The following CRACD variants were observed in gnomAD, a reference collection of about 807,000 sequenced individuals.
CRACD encodes capping protein-inhibiting regulator of actin dynamics.
A neutral mutation model predicts 106.8 loss-of-function variants in CRACD; 56 were observed. The ratio of observed to expected loss-of-function variants is 0.52; its 90% CI spans 0.42 to 0.66. CRACD has a LOEUF of 0.66. CRACD is among the 30% of genes least tolerant of loss of function. CRACD has a pLI of 0.00. For missense variants in CRACD, 1,730 were observed against 1,623.2 expected (o/e 1.07, Z -1.13); for synonymous variants, 754 against 670.8 (o/e 1.12, Z -1.92).
At position 56,297,295 on chromosome 4, in the gene CRACD, C is replaced by G. The variant is rs1385852499; in HGVS notation, c.-16-919C>G. On this transcript the variant is annotated intron_variant, in intron 3 of 10. Transcript: ENST00000682029. ...CATTGTCTGGTAGAAGTCCAGACTT[C>G]CTCCAAGTCCAGACTTTCAACTAAA... 2.6e-5 allele frequency among the ~76,000 whole-genome samples: 4 copies of G among 152,146 alleles called. No homozygotes were observed. The South Asian group carries it at 8.3e-4, about 31-fold the overall frequency.
At chr4:56,152,755 G>T (rs963451603) in intron 1 of CRACD, among the ~76,000 whole-genome samples, 2 of 151,930 alleles carry the variant, frequency 1.3e-5, no homozygotes, top group Admixed American at 6.6e-5. Context: ...CTTCAAGCTG[G>T]CTCTGTCTTT....
intron 2 of CRACD, among the ~76,000 whole-genome samples, chr4:56,220,335 A>T (rs1738960103): frequency 6.6e-6 from 1 of 152,192 alleles, no homozygotes; most frequent in South Asian, 2.1e-4. Context: ...TGCTCTTGTA[A>T]CCAACTGTTG....
chr4:56,258,608 C>G (rs1741510018), intron 2 of CRACD, among the ~76,000 whole-genome samples: 1 of 152,192 alleles, frequency 6.6e-6, no homozygotes, highest in African/African-American at 2.4e-5. Flanking sequence ...AATGCAGGCA[C>G]CACCCAAAAG....
rs560585885 is a variant in CRACD, at chr4:56,080,796, T to A, written c.-336+31497T>A. On this transcript the variant is annotated intron_variant, in intron 1 of 10. Coordinates refer to ENST00000682029, the MANE Select transcript of CRACD (RefSeq NM_001393381.1). ...AGCAAGGTGACGAGACCTAAAATAT[T>A]CATTACTTCTAAAGACACCTACCCT... Among the ~76,000 whole-genome samples the A allele has an allele frequency of 2.6e-5, 4 of 152,324 alleles. No homozygotes were observed. The South Asian group carries it at 8.3e-4, about 32-fold the overall frequency.
chr4:56,241,747 T>C (rs1490645982), intron 2 of CRACD, among the ~76,000 whole-genome samples: 1 of 152,132 alleles, frequency 6.6e-6, no homozygotes, highest in East Asian at 1.9e-4. Flanking sequence ...CTCAGCCTTT[T>C]TAAGAGCTCT....
At chr4:56,275,146 G>C (rs115722964) in intron 3 of CRACD, among the ~76,000 whole-genome samples, 12 of 152,198 alleles carry the variant, frequency 7.9e-5, no homozygotes, top group African/African-American at 2.2e-4. Flanking sequence ...GAGGGTGAGT[G>C]GGGGGAAAGG....
chr4:56,314,055 C>G lies in CRACD; in HGVS notation c.553C>G (p.Gln185Glu). The change falls in exon 8 of 11, where the codon CAA (glutamine) becomes GAA (glutamate). Residue 185 changes from glutamine to glutamate, a missense_variant. Transcript: ENST00000682029. The surrounding 1 kb of genome is among the most constrained non-coding windows in gnomAD (Gnocchi z 4.4). ...RRLAQDPQHE[Q>E]GGLESRPCLD... is the part of the protein sequence containing the mutation. The stretch of plus-strand genomic sequence containing the variant: ...CCAATGTTAGGATCCACAACATGAG[C>G]AAGGCGGCCTTGAGAGTCGGCCCTG... 1.9e-6 allele frequency: 3 copies of G among 1,613,518 alleles called. No homozygotes were observed. Among genetic ancestry groups the G allele is most frequent in the Non-Finnish European group, 2.5e-6 (3 of 1,179,758 alleles).
intron 2 of CRACD, among the ~76,000 whole-genome samples, chr4:56,188,381 T>A (rs1448892986): frequency 6.6e-6 from 1 of 152,050 alleles, no homozygotes; most frequent in Non-Finnish European, 1.5e-5. Flanking sequence ...TTGGCCCATC[T>A]AGGAACTACT....
In CRACD at chr4:56,316,121, C is replaced by A. The variant is rs1351287185; in HGVS notation, c.2619C>A (p.Ser873Arg). Residue 873 changes from serine (S) to arginine (R), a missense_variant, in exon 8 of 11, where the codon AGC becomes AGA. By Grantham distance (110) the Ser-to-Arg change is moderately radical. Around this residue, in one of 5 missense-constraint regions of CRACD, gnomAD observed 1,620 missense variants for 1,481.6 expected, o/e 1.09. Coordinates refer to ENST00000682029, the MANE Select transcript of CRACD (RefSeq NM_001393381.1). ...QAEQKKKKRHSSTGDSADAGP... is the reference protein window; with the variant it reads ...QAEQKKKKRHRSTGDSADAGP... ...AACAGAAGAAGAAGAAGAGGCACAGCAGCACCGGAGACAGCGCGGATGCAG... is the reference window on the plus strand; with the variant it reads ...AACAGAAGAAGAAGAAGAGGCACAGAAGCACCGGAGACAGCGCGGATGCAG... 1 of 1,614,160 alleles carries A rather than the reference C, an allele frequency of 6.2e-7. No homozygotes were observed. Among genetic ancestry groups the A allele is most frequent in the African/African-American group, 1.3e-5 (1 of 75,078 alleles).
At chr4:56,284,964 G>A (rs963989602) in intron 3 of CRACD, among the ~76,000 whole-genome samples, 3 of 152,184 alleles carry the variant, frequency 2.0e-5, no homozygotes, top group Non-Finnish European at 4.4e-5. Flanking sequence ...CTGCTATAAA[G>A]AGACTGTGTA....
intron 1 of CRACD, among the ~76,000 whole-genome samples, chr4:56,074,611 A>G (rs1732772888): frequency 6.6e-6 from 1 of 152,172 alleles, no homozygotes. Flanking sequence ...TTTTCTAAAT[A>G]TACAATCATG....
At chr4:56,236,209 G>A (rs1176255301) in intron 2 of CRACD, among the ~76,000 whole-genome samples, 1 of 152,110 alleles carries the variant, frequency 6.6e-6, no homozygotes, top group Non-Finnish European at 1.5e-5. Flanking sequence ...CAAGGAAGAG[G>A]ATGTGAAGGC....
At chr4:56,144,059 A>G (rs1044179986) in intron 1 of CRACD, among the ~76,000 whole-genome samples, 1 of 152,214 alleles carries the variant, frequency 6.6e-6, no homozygotes. Context: ...TTAAGTAGGA[A>G]TATCCATTTG....
At chr4:56,106,365 C>T (rs766633948) in intron 1 of CRACD, among the ~76,000 whole-genome samples, 13 of 152,146 alleles carry the variant, frequency 8.5e-5, no homozygotes, top group Admixed American at 2.6e-4. Context: ...TTCAAGTCTC[C>T]AGTGTTGATC....
At chr4:56,262,275 T>C (rs1373669075) in intron 2 of CRACD, among the ~76,000 whole-genome samples, 1 of 152,164 alleles carries the variant, frequency 6.6e-6, no homozygotes, top group Non-Finnish European at 1.5e-5. Context: ...ATAGGCATAT[T>C]TCATAGTCAC....
chr4:56,265,812 T>C (rs956954316), intron 2 of CRACD, among the ~76,000 whole-genome samples: 12 of 152,190 alleles, frequency 7.9e-5, no homozygotes, highest in Admixed American at 3.3e-4. Context: ...TCATAGCACA[T>C]TTCTGTTCTT....
At position 56,316,659 on chromosome 4, in the gene CRACD, CCTT is replaced by C. The variant is rs560337366; in HGVS notation, c.3160_3162del (p.Ser1054del). ...TCTGCCTGCCACTCAGCAAGAGAAACCTTCTCAAACACCCGAGGCCGGGAGGAA... is the reference window on the plus strand; with the variant it reads ...TCTGCCTGCCACTCAGCAAGAGAAACCTCAAACACCCGAGGCCGGGAGGAA... On this transcript the variant is annotated inframe_deletion, in exon 8 of 11. Transcript: ENST00000682029. The C allele has an allele frequency of 1.1e-3, 1,810 of 1,611,830 alleles. 18 individuals are homozygous for C. In the African/African-American group the frequency reaches 0.022, roughly 19 times the overall value.
chr4:56,055,108 T>C (rs1732010696), intron 1 of CRACD, among the ~76,000 whole-genome samples: 1 of 152,080 alleles, frequency 6.6e-6, no homozygotes, highest in Non-Finnish European at 1.5e-5. Flanking sequence ...TAGCAGCTGC[T>C]AAGAGGAATT....
Position 56,308,810 on chromosome 4 carries a change from A to C in CRACD, c.285+1111A>C, listed in dbSNP as rs2109750603. On this transcript the variant is annotated intron_variant, in intron 5 of 10. Coordinates refer to ENST00000682029, the MANE Select transcript of CRACD (RefSeq NM_001393381.1). ...ACCTCTCCAGTGCTAGGCAGAAGCAACAGCCATCGCCTTGGTGCAGGGGTA... is the reference window on the plus strand; with the variant it reads ...ACCTCTCCAGTGCTAGGCAGAAGCACCAGCCATCGCCTTGGTGCAGGGGTA... 3.9e-6 allele frequency: 5 copies of C among 1,278,338 alleles called. No homozygotes were observed. In the East Asian group the frequency reaches 2.2e-4, roughly 57 times the overall value. 79.2% of individuals were successfully genotyped at this position (1,278,338 alleles called of 1,614,324 possible). A position where few individuals can be genotyped will look rare whatever the true frequency, so the allele number is the denominator to read the frequency against.
Sources: allele counts gnomAD v4.1 joint callset (sites outside exome capture counted in the v4.1 genomes callset), GRCh38; gene constraint gnomAD v4.1.1; regional missense constraint gnomAD v4.1.1; non-coding constraint Gnocchi (gnomAD v3.1); transcripts MANE v1.5; gene names NCBI Gene and HGNC (gene_info 2026-07-23, HGNC 2026-07-21).